The following TBXAS1 variants were observed in gnomAD, a reference collection of about 807,000 sequenced individuals.
The protein encoded by TBXAS1 is thromboxane-A synthase.
A neutral mutation model predicts 60.7 loss-of-function variants in TBXAS1; 48 were observed. The ratio of observed to expected loss-of-function variants is 0.79; its 90% CI spans 0.63 to 1.01. The LOEUF (loss-of-function observed/expected upper bound fraction) is 1.01. TBXAS1 is among the 50% of genes least tolerant of loss of function. TBXAS1 has a pLI of 0.00. For synonymous variants in TBXAS1, 287 were observed against 269.7 expected, an observed-to-expected ratio of 1.06 and a Z score of -0.63; for missense variants, 685 against 686.3, an observed-to-expected ratio of 1.00 and a Z score of 0.02.
chr7:139,929,828 C>T (rs535241071), intron 4 of TBXAS1, among the ~76,000 whole-genome samples: 1 of 152,328 alleles, frequency 6.6e-6, no homozygotes, highest in Non-Finnish European at 1.5e-5. Context: ...CACCCCCGCT[C>T]TCTCCTGGCC....
intron 1 of TBXAS1, among the ~76,000 whole-genome samples, chr7:139,848,583 C>T (rs998499301): frequency 6.6e-6 from 1 of 152,114 alleles, no homozygotes; most frequent in Non-Finnish European, 1.5e-5. Context: ...TAGATCTGCT[C>T]CACATGTTTG....
At chr7:139,965,419 C>T (rs1810706334) in intron 9 of TBXAS1, among the ~76,000 whole-genome samples, 1 of 152,136 alleles carries the variant, frequency 6.6e-6, no homozygotes, top group Non-Finnish European at 1.5e-5. Context: ...GGGCTGGGAC[C>T]CAGGAACCCG....
intron 1 of TBXAS1, among the ~76,000 whole-genome samples, chr7:139,861,648 A>G (rs1372955051): frequency 6.6e-6 from 1 of 152,234 alleles, no homozygotes; most frequent in Non-Finnish European, 1.5e-5. Context: ...GAAGTACCAA[A>G]CATGGTATCA....
chr7:139,945,188 C>T (rs1282833914), intron 5 of TBXAS1, among the ~76,000 whole-genome samples: 1 of 152,214 alleles, frequency 6.6e-6, no homozygotes, highest in Non-Finnish European at 1.5e-5. Flanking sequence ...CTGACACTTC[C>T]CTGCACTGAG....
intron 2 of TBXAS1, 60 bp from the exon 3 acceptor site, chr7:139,875,525 G>T (rs565885456): frequency 6.9e-7 from 1 of 1,446,330 alleles, no homozygotes; most frequent in East Asian, 2.3e-5. Flanking sequence ...TACTGAATAA[G>T]TTTGAATAAT....
intron 4 of TBXAS1, 92 bp from the exon 5 acceptor site, chr7:139,936,099 C>A: frequency 8.2e-7 from 1 of 1,213,754 alleles, no homozygotes; most frequent in Non-Finnish European, 1.2e-6. Context: ...CACTGATGGA[C>A]TTTAACCAGG....
intron 9 of TBXAS1, among the ~76,000 whole-genome samples, chr7:139,997,955 C>T (rs957417264): frequency 1.3e-5 from 2 of 152,120 alleles, no homozygotes; most frequent in Non-Finnish European, 2.9e-5. Context: ...CATAATGGCC[C>T]CCAACCTGGG....
chr7:139,866,652 G>A (rs1417937220), intron 1 of TBXAS1, among the ~76,000 whole-genome samples: 4 of 151,792 alleles, frequency 2.6e-5, no homozygotes, highest in African/African-American at 2.4e-5. Context: ...CAGCTACTTC[G>A]GAGGCTGAGG....
chr7:139,953,497 A>G (rs780732088), intron 6 of TBXAS1, 41 bp downstream of exon 6: 1 of 1,573,074 alleles, frequency 6.4e-7, no homozygotes, highest in Non-Finnish European at 8.8e-7. Context: ...GAGTTTTTGA[A>G]TCACTGCTTC....
chr7:139,857,826 G>A (rs1800687524), intron 1 of TBXAS1, among the ~76,000 whole-genome samples: 1 of 151,666 alleles, frequency 6.6e-6, no homozygotes, highest in African/African-American at 2.4e-5. Context: ...TAATTCCTGG[G>A]CTCAAGTGAT....
intron 4 of TBXAS1, among the ~76,000 whole-genome samples, chr7:139,800,035 A>G (rs1797677383): frequency 6.6e-6 from 1 of 152,158 alleles, no homozygotes; most frequent in South Asian, 2.1e-4. Flanking sequence ...ACCCGTCGGC[A>G]AGTCCCACAG....
At chr7:139,854,573 C>G (rs997944195) in intron 1 of TBXAS1, among the ~76,000 whole-genome samples, 2 of 152,088 alleles carry the variant, frequency 1.3e-5, no homozygotes, top group African/African-American at 4.8e-5. Context: ...AAACTCTATG[C>G]CCAAGGGAGA....
intron 1 of TBXAS1, among the ~76,000 whole-genome samples, chr7:139,866,262 A>T (rs944733263): frequency 2.0e-5 from 3 of 152,208 alleles, no homozygotes; most frequent in African/African-American, 7.2e-5. Flanking sequence ...AGAAATGCTA[A>T]CTGTAGCAGC....
chr7:139,953,888 T>TA (rs1554497333), intron 6 of TBXAS1, among the ~76,000 whole-genome samples: 4 of 152,214 alleles, frequency 2.6e-5, no homozygotes, highest in Non-Finnish European at 4.4e-5. Context: ...GTTTTTGCTT[T>TA]AAAAAAACAT....
intron 1 of TBXAS1, among the ~76,000 whole-genome samples, chr7:139,846,085 G>A (rs1389901076): frequency 6.6e-6 from 1 of 152,068 alleles, no homozygotes; most frequent in Non-Finnish European, 1.5e-5. Context: ...TAGAAGTCAG[G>A]CTAGGCTGGG....
intron 4 of TBXAS1, among the ~76,000 whole-genome samples, chr7:139,812,398 T>C (rs1798040730): frequency 6.6e-6 from 1 of 152,184 alleles, no homozygotes; most frequent in Non-Finnish European, 1.5e-5. Context: ...CCAAACGTTT[T>C]TCCAGAAATT....
intron 4 of TBXAS1, among the ~76,000 whole-genome samples, chr7:139,820,107 T>C (rs981400643): frequency 6.6e-6 from 1 of 151,996 alleles, no homozygotes; most frequent in Admixed American, 6.6e-5. Context: ...TCACTCCCAG[T>C]GACTAGGAGG....
intron 1 of TBXAS1, among the ~76,000 whole-genome samples, chr7:139,830,650 C>T (rs893594381): frequency 6.6e-6 from 1 of 151,954 alleles, no homozygotes; most frequent in Non-Finnish European, 1.5e-5. Context: ...CCCCAATAAT[C>T]CATCTCAATG....
chr7:140,017,843 C>T lies in TBXAS1; in HGVS notation c.1527+10C>T, dbSNP rs1287534166. On this transcript the variant is annotated intron_variant, in intron 12 of 12. Coordinates refer to ENST00000448866, the MANE Select transcript of TBXAS1 (RefSeq NM_001061.7). ...CTGCCCTGAGACCCAGGTGAGGCCC[C>T]CCTGCTCAGAGGCAGGGGCAGGGGC... 1.9e-6 allele frequency: 3 copies of T among 1,613,956 alleles called. No homozygotes were observed. In the South Asian group the frequency reaches 3.3e-5, roughly 18 times the overall value.
Sources: gnomAD v4.1 joint callset for allele counts (sites outside exome capture counted in the v4.1 genomes callset) on GRCh38, gnomAD v4.1.1 for gene constraint, MANE v1.5 for transcripts, NCBI Gene and HGNC (gene_info 2026-07-23, HGNC 2026-07-21) for gene names.